Variants in NAALADL2 observed in about 807,000 individuals in gnomAD.
NAALADL2 encodes the protein N-acetylated alpha-linked acidic dipeptidase like 2, also known as inactive N-acetylated-alpha-linked acidic dipeptidase-like protein 2.
NAALADL2 carries 76 observed loss-of-function variants against 87.2 expected under a neutral mutation model. That is an observed-to-expected ratio of 0.87 (90% confidence interval 0.72 to 1.05). The LOEUF is 1.05. NAALADL2 is among the 50% of genes least tolerant of loss of function. The probability of loss-of-function intolerance (pLI) is 0.00; values close to 1 mark genes in which losing one functional copy is unlikely to be tolerated. For synonymous variants in NAALADL2, 354 were observed against 331.0 expected (o/e 1.07, Z -0.75); for missense variants, 1,089 against 945.8 (o/e 1.15, Z -1.99).
chr3:174,649,354 C>A (rs1011621412), intron 2 of NAALADL2, among the ~76,000 whole-genome samples: 12 of 152,098 alleles, frequency 7.9e-5, no homozygotes, highest in African/African-American at 2.2e-4. Flanking sequence ...ATTAGATTAG[C>A]ATACTTGTAG....
At chr3:175,618,614 A>G (rs1253833243) in intron 10 of NAALADL2, among the ~76,000 whole-genome samples, 8 of 152,114 alleles carry the variant, frequency 5.3e-5, no homozygotes, top group Admixed American at 5.2e-4. Context: ...CTGGAAAGAG[A>G]GGGGAGAAAG....
intron 1 of NAALADL2, among the ~76,000 whole-genome samples, chr3:174,442,143 G>A (rs1456710515): frequency 6.6e-6 from 1 of 152,128 alleles, no homozygotes; most frequent in African/African-American, 2.4e-5. Flanking sequence ...GCTGACTGGT[G>A]ACAGGTTAAC....
intron 9 of NAALADL2, among the ~76,000 whole-genome samples, chr3:175,566,873 G>T (rs1582430424): frequency 6.6e-6 from 1 of 151,774 alleles, no homozygotes; most frequent in Admixed American, 6.6e-5. Context: ...GGTAATTTTT[G>T]TCATACAGAA....
intron 2 of NAALADL2, among the ~76,000 whole-genome samples, chr3:174,689,277 C>T (rs999906500): frequency 6.6e-6 from 1 of 151,844 alleles, no homozygotes; most frequent in Admixed American, 6.6e-5. Flanking sequence ...TTTTGCTATG[C>T]CTGGATTGCC....
rs367886164 is a variant in NAALADL2, at chr3:175,406,901, C to T, written c.1091-40328C>T. 4.3e-4 allele frequency among the ~76,000 whole-genome samples: 65 copies of T among 152,020 alleles called. 2 individuals are homozygous for T. In the South Asian group the frequency reaches 1.0e-2, roughly 23 times the overall value. Reference sequence around the variant, plus strand: ...TTTTGCATTTTATTAAAAGTGTCGGCCGGGCGCTGTGGCTCACGCCTGTAA... The same window carrying T: ...TTTTGCATTTTATTAAAAGTGTCGGTCGGGCGCTGTGGCTCACGCCTGTAA... On this transcript the variant is annotated intron_variant, in intron 5 of 13. Transcript: ENST00000454872.
intron 13 of NAALADL2, among the ~76,000 whole-genome samples, chr3:175,786,622 C>A (rs1038464993): frequency 6.6e-6 from 1 of 152,118 alleles, no homozygotes; most frequent in Non-Finnish European, 1.5e-5. Flanking sequence ...TCAAAGTTTG[C>A]CACTTCTTTG....
chr3:174,604,613 T>C (rs781518254), intron 2 of NAALADL2, among the ~76,000 whole-genome samples: 7 of 141,876 alleles, frequency 4.9e-5, no homozygotes, highest in Non-Finnish European at 8.1e-5. Flanking sequence ...CATTTTGTTA[T>C]TCATTTTCTG....
At chr3:175,438,410 T>C (rs1719113089) in intron 5 of NAALADL2, among the ~76,000 whole-genome samples, 1 of 152,038 alleles carries the variant, frequency 6.6e-6, no homozygotes, top group Non-Finnish European at 1.5e-5. Flanking sequence ...TGAAAAAACA[T>C]TTGTGCCAGT....
At chr3:175,159,981 C>T (rs1401065846) in intron 2 of NAALADL2, among the ~76,000 whole-genome samples, 3 of 148,894 alleles carry the variant, frequency 2.0e-5, no homozygotes, top group Non-Finnish European at 4.5e-5. Flanking sequence ...GGATTACAGG[C>T]GTGTGCTACC....
chr3:175,522,029 C>G (rs1455435386), intron 9 of NAALADL2, among the ~76,000 whole-genome samples: 5 of 152,036 alleles, frequency 3.3e-5, no homozygotes, highest in African/African-American at 1.2e-4. Flanking sequence ...TTAAAAATGT[C>G]TTTCCCATAT....
chr3:174,987,581 A>AAAAAAC (rs1746071931), intron 1 of NAALADL2, among the ~76,000 whole-genome samples: 3 of 119,980 alleles, frequency 2.5e-5, no homozygotes, highest in Admixed American at 1.5e-4. Flanking sequence ...AAAAAAAAAA[A>AAAAAAC]AAAAAAAAAA....
intron 10 of NAALADL2, among the ~76,000 whole-genome samples, chr3:175,602,323 A>T (rs1012380079): frequency 5.9e-5 from 9 of 152,236 alleles, no homozygotes; most frequent in African/African-American, 2.2e-4. Context: ...AATTAATTTA[A>T]AACATTTGTT....
At chr3:175,785,692 T>G (rs1447503497) in intron 13 of NAALADL2, among the ~76,000 whole-genome samples, 1 of 137,480 alleles carries the variant, frequency 7.3e-6, no homozygotes, top group African/African-American at 3.0e-5. Flanking sequence ...TTGGAGCATT[T>G]AGTCCATTTA....
At chr3:175,367,381 T>A (rs1308479419) in intron 5 of NAALADL2, among the ~76,000 whole-genome samples, 2 of 151,122 alleles carry the variant, frequency 1.3e-5, no homozygotes, top group African/African-American at 4.8e-5. Context: ...AAGAGTTGTT[T>A]CCGATTCTGT....
At chr3:174,678,429 C>T (rs1161132887) in intron 2 of NAALADL2, among the ~76,000 whole-genome samples, 1 of 152,150 alleles carries the variant, frequency 6.6e-6, no homozygotes, top group African/African-American at 2.4e-5. Flanking sequence ...TGCTTATCTT[C>T]AGCTTTACAT....
intron 1 of NAALADL2, among the ~76,000 whole-genome samples, chr3:174,529,396 C>T (rs150761012): frequency 2.4e-4 from 36 of 152,318 alleles, no homozygotes; most frequent in Admixed American, 4.6e-4. Flanking sequence ...CATGGACTTG[C>T]TGAGTGTCTG....
At chr3:175,736,871 A>T (rs1744569898) in intron 11 of NAALADL2, among the ~76,000 whole-genome samples, 1 of 152,178 alleles carries the variant, frequency 6.6e-6, no homozygotes, top group Non-Finnish European at 1.5e-5. Context: ...CCTGTAGGTT[A>T]TCAAATAAAA....
Position 174,890,187 on chromosome 3 carries a change from A to G in NAALADL2, c.43+30737A>G, listed in dbSNP as rs571070750. Among the ~76,000 whole-genome samples, 365 of 144,772 alleles carry G rather than the reference A, an allele frequency of 2.5e-3. 2 individuals carry two copies. The highest frequency in any genetic ancestry group is 8.9e-3 in the African/African-American group (352 of 39,406). 95.0% of individuals were successfully genotyped at this position (144,772 alleles called of 152,430 possible). A position where few individuals can be genotyped will look rare whatever the true frequency, so the allele number is the denominator to read the frequency against. Reference sequence around the variant, plus strand: ...TAGATTATGTATAGTAATAAAGAAAAAGAAATTTCTGCATTTGACATTATT... The same window carrying G: ...TAGATTATGTATAGTAATAAAGAAAGAGAAATTTCTGCATTTGACATTATT... On this transcript the variant is annotated intron_variant, in intron 1 of 13. Transcript: ENST00000454872.
chr3:175,354,509 A>C (rs1360115008), intron 5 of NAALADL2, among the ~76,000 whole-genome samples: 1 of 152,168 alleles, frequency 6.6e-6, no homozygotes, highest in East Asian at 1.9e-4. Flanking sequence ...ACTCTAAAAA[A>C]TGTTGACTTC....
Sources: allele counts gnomAD v4.1 joint callset (sites outside exome capture counted in the v4.1 genomes callset), GRCh38; gene constraint gnomAD v4.1.1; transcripts MANE v1.5; gene names NCBI Gene and HGNC (gene_info 2026-07-23, HGNC 2026-07-21).